Variants in LGALS8 observed in about 807,000 individuals in gnomAD.
The protein encoded by LGALS8 is galectin 8.
In LGALS8, 30 loss-of-function variants were observed where a neutral mutation model predicts 35.9. The ratio of observed to expected loss-of-function variants is 0.83; its 90% CI spans 0.62 to 1.13. The LOEUF (loss-of-function observed/expected upper bound fraction) is 1.13, where lower values mean the gene tolerates loss of function less well. LGALS8 is among the 50% of genes most tolerant of loss of function. LGALS8 has a pLI of 0.00. For synonymous variants in LGALS8, 138 were observed against 136.1 expected, an observed-to-expected ratio of 1.01 and a Z score of -0.10; for missense variants, 366 against 388.7, an observed-to-expected ratio of 0.94 and a Z score of 0.49.
chr1:236,542,687 C>A, intron 6 of LGALS8, 74 bp from the exon 7 acceptor site: 1 of 1,536,488 alleles, frequency 6.5e-7, no homozygotes, highest in Non-Finnish European at 9.0e-7. Context: ...CAGCTCAGCA[C>A]AACCAAGACT....
chr1:236,523,892 G>C, upstream of LGALS8: 1 of 346,454 alleles, frequency 2.9e-6, no homozygotes, highest in South Asian at 2.1e-5. Context: ...GCGGGGCGCG[G>C]GGAGGGTGGG....
At position 236,550,970 on chromosome 1, in the gene LGALS8, G is replaced by A. The variant is rs1662705193; in HGVS notation, c.*2809G>A. On this transcript the variant is annotated 3_prime_UTR_variant, in exon 10 of 10. Coordinates refer to ENST00000366584, the MANE Select transcript of LGALS8 (RefSeq NM_201544.4). Reference sequence around the variant, plus strand: ...TGCTGAATAGTCTTTTGGCACTGATGTTCTACTTCTTCACATTCATCTAAA... The same window carrying A: ...TGCTGAATAGTCTTTTGGCACTGATATTCTACTTCTTCACATTCATCTAAA... The A allele has an allele frequency of 7.5e-7, 1 of 1,341,502 alleles. No homozygotes were observed. The highest frequency in any genetic ancestry group is 1.1e-6 in the Non-Finnish European group (1 of 949,220). 83.1% of individuals were successfully genotyped at this position (1,341,502 alleles called of 1,614,324 possible). A position where few individuals can be genotyped will look rare whatever the true frequency, so the allele number is the denominator to read the frequency against.
intron 2 of LGALS8, among the ~76,000 whole-genome samples, chr1:236,536,872 A>C (rs1486451411): frequency 6.6e-6 from 1 of 151,104 alleles, no homozygotes. Context: ...TTTTTCTGTT[A>C]GAATTATCAT....
Position 236,542,860 on chromosome 1 carries a change from C to T in LGALS8, c.549+73C>T, listed in dbSNP as rs115775481. On this transcript the variant is annotated intron_variant, in intron 7 of 9. Coordinates refer to ENST00000366584, the MANE Select transcript of LGALS8 (RefSeq NM_201544.4). Reference sequence around the variant, plus strand: ...TGCATAGAAAATGAACAGTTTAAACCGTGGAGGGCAGCTTCATTCATTCCA... The same window carrying T: ...TGCATAGAAAATGAACAGTTTAAACTGTGGAGGGCAGCTTCATTCATTCCA... The T allele has an allele frequency of 5.5e-4, 883 of 1,614,026 alleles. 7 individuals are homozygous for T. In the African/African-American group the frequency reaches 0.01, roughly 19 times the overall value.
chr1:236,550,737 A>T lies in LGALS8; in HGVS notation c.*2576A>T. Reference sequence around the variant, plus strand: ...GATAGGCAGGAGAGGCTTATGTGGCAGCACAAGCCAGGTGGGGATTTTGTA... The same window carrying T: ...GATAGGCAGGAGAGGCTTATGTGGCTGCACAAGCCAGGTGGGGATTTTGTA... On this transcript the variant is annotated 3_prime_UTR_variant, in exon 10 of 10. Coordinates refer to ENST00000366584, the MANE Select transcript of LGALS8 (RefSeq NM_201544.4). The T allele has an allele frequency of 1.8e-6, 1 of 564,316 alleles. No homozygotes were observed. Among genetic ancestry groups the T allele is most frequent in the South Asian group, 2.5e-5 (1 of 39,844 alleles). The allele number at this position is 564,316 out of a possible 1,614,324, so 35.0% of individuals were successfully genotyped here.
At chr1:236,542,475 G>A (rs1223990122) in intron 6 of LGALS8, 1 of 477,626 alleles carries the variant, frequency 2.1e-6, no homozygotes, top group Non-Finnish European at 3.7e-6. Flanking sequence ...GTAAGACCCT[G>A]TCTCTTAAAA....
intron 6 of LGALS8, 68 bp downstream of exon 6, chr1:236,541,778 T>C: frequency 1.3e-6 from 1 of 785,530 alleles, no homozygotes; most frequent in Non-Finnish European, 2.0e-6. Context: ...GTTAATGAAA[T>C]GGCAAGAAGG....
chr1:236,550,562 C>T lies in LGALS8; in HGVS notation c.*2401C>T, dbSNP rs1231196932. Reference sequence around the variant, plus strand: ...TGCTGTACAGAAGAGTTAAGGCTTACAGTGCAAATGAGGCGTCAGCTTTGG... The same window carrying T: ...TGCTGTACAGAAGAGTTAAGGCTTATAGTGCAAATGAGGCGTCAGCTTTGG... On this transcript the variant is annotated 3_prime_UTR_variant, in exon 10 of 10. Coordinates refer to ENST00000366584, the MANE Select transcript of LGALS8 (RefSeq NM_201544.4). The T allele has an allele frequency of 1.4e-5, 3 of 221,028 alleles. No individual in the cohort carries two copies. The highest frequency in any genetic ancestry group is 2.3e-5 in the African/African-American group (1 of 43,738). 13.7% of individuals were successfully genotyped at this position (221,028 alleles called of 1,614,324 possible).
intron 2 of LGALS8, among the ~76,000 whole-genome samples, chr1:236,529,168 G>A (rs1661001702): frequency 6.6e-6 from 1 of 152,124 alleles, no homozygotes; most frequent in South Asian, 2.1e-4. Context: ...TCCCAGCTAT[G>A]AGGAAGAGTG....
chr1:236,524,347 G>T (rs1262886079), intron 1 of LGALS8: 13 of 455,784 alleles, frequency 2.9e-5, no homozygotes, highest in Non-Finnish European at 8.8e-6. Flanking sequence ...CAGGCTGTTT[G>T]CCCTGGGGTG....
At position 236,526,232 on chromosome 1, in the gene LGALS8, T is replaced by C; in HGVS notation, c.45+117T>C. 1.4e-6 allele frequency: 1 copy of C among 699,380 alleles called. No individual in the cohort carries two copies. Among genetic ancestry groups the C allele is most frequent in the South Asian group, 1.8e-5 (1 of 55,528 alleles). 43.3% of individuals were successfully genotyped at this position (699,380 alleles called of 1,614,324 possible). On this transcript the variant is annotated intron_variant, in intron 2 of 9. Coordinates refer to ENST00000366584, the MANE Select transcript of LGALS8 (RefSeq NM_201544.4). This position sits in a 1 kb window ranked among gnomAD's most constrained non-coding sequence, Gnocchi z 4.6. ...AGCCAGTGAACATATTTAAAGCACC[T>C]ACTATGTAATAGAGATGGTGGTGGG...
chr1:236,548,982 G>C lies in LGALS8; in HGVS notation c.*821G>C, dbSNP rs1352122745. 2.5e-6 allele frequency: 1 copy of C among 398,530 alleles called. No homozygotes were observed. Among genetic ancestry groups the C allele is most frequent in the East Asian group, 3.6e-5 (1 of 28,096 alleles). 24.7% of individuals were successfully genotyped at this position (398,530 alleles called of 1,614,324 possible). On this transcript the variant is annotated 3_prime_UTR_variant, in exon 10 of 10. Transcript: ENST00000366584. ...GAGTCTACACAGACGCCTACAGAAA[G>C]TTTCAGGAAGAGGCAAGATGCATTC...
chr1:236,540,376 CAAAAG>C (rs1195888471), intron 4 of LGALS8, 183 bp from the exon 5 acceptor site: 6 of 510,354 alleles, frequency 1.2e-5, no homozygotes, highest in Admixed American at 4.1e-5. Context: ...ATCAGGAACT[CAAAAG>C]AAGTTTGGAA....
chr1:236,535,603 G>T (rs1661439919), intron 2 of LGALS8, among the ~76,000 whole-genome samples: 1 of 152,166 alleles, frequency 6.6e-6, no homozygotes, highest in Non-Finnish European at 1.5e-5. Context: ...CTTGGAACCA[G>T]CTGTGACCCA....
rs1263849676 is a variant in LGALS8 at position 236,543,162 on chromosome 1, C to T, written c.549+375C>T. ...CCCCCTCTGCATTTGTGTGCCGTCC[C>T]TGGACGGATTCGAGAGTCAACCAGG... On this transcript the variant is annotated intron_variant, in intron 7 of 9. Transcript: ENST00000366584. The T allele has an allele frequency of 1.8e-5, 16 of 904,024 alleles. 1 individual carries two copies. The highest frequency in any genetic ancestry group is 1.1e-4 in the Admixed American group (5 of 47,470). 56.0% of individuals were successfully genotyped at this position (904,024 alleles called of 1,614,324 possible). A position where few individuals can be genotyped will look rare whatever the true frequency, so the allele number is the denominator to read the frequency against.
intron 2 of LGALS8, among the ~76,000 whole-genome samples, chr1:236,530,307 A>G (rs1386767013): frequency 6.6e-6 from 1 of 152,216 alleles, no homozygotes; most frequent in African/African-American, 2.4e-5. Flanking sequence ...AACACAACAC[A>G]GTCAAGTCTT....
At chr1:236,533,171 T>C (rs534210164) in intron 2 of LGALS8, among the ~76,000 whole-genome samples, 2 of 152,324 alleles carry the variant, frequency 1.3e-5, no homozygotes, top group South Asian at 2.1e-4. Flanking sequence ...TGAGAGAAGA[T>C]GGGTCTTGTC....
chr1:236,548,112 C>G lies in LGALS8; in HGVS notation c.905C>G (p.Thr302Arg). Residue 302 changes from threonine (T) to arginine (R), a missense_variant, in exon 10 of 10, where the codon ACG becomes AGG. Physicochemically the swap from Thr to Arg is moderately conservative, Grantham distance 71. Coordinates refer to ENST00000366584, the MANE Select transcript of LGALS8 (RefSeq NM_201544.4). Reference protein sequence around the residue: ...HRFKELSSIDTLEINGDIHLL... With the variant: ...HRFKELSSIDRLEINGDIHLL... ...TTTAAAGAGCTCAGCAGTATTGACA[C>G]GCTGGAAATTAATGGAGACATCCAC... 3.1e-6 allele frequency: 5 copies of G among 1,613,896 alleles called. No homozygotes were observed. The highest frequency in any genetic ancestry group is 3.3e-5 in the Admixed American group (2 of 60,020).
chr1:236,540,582 C>T lies in LGALS8; in HGVS notation c.364C>T (p.His122Tyr). The change falls in exon 5 of 10, where the codon CAT becomes TAT. Residue 122 changes from histidine to tyrosine, a missense_variant. Coordinates refer to ENST00000366584, the MANE Select transcript of LGALS8 (RefSeq NM_201544.4). ...DKFQVAVNGK[H>Y]TLLYGHRIGP... is the part of the protein sequence containing the mutation. Reference sequence around the variant, plus strand: ...TCTCTAGGTGGCTGTAAATGGAAAACATACTCTGCTCTATGGCCACAGGAT... The same window carrying T: ...TCTCTAGGTGGCTGTAAATGGAAAATATACTCTGCTCTATGGCCACAGGAT... 1 of 1,606,164 alleles carries T rather than the reference C, an allele frequency of 6.2e-7. No homozygotes were observed. Among genetic ancestry groups the T allele is most frequent in the Non-Finnish European group, 8.5e-7 (1 of 1,176,618 alleles).
Sources: allele counts gnomAD v4.1 joint callset (sites outside exome capture counted in the v4.1 genomes callset), GRCh38; gene constraint gnomAD v4.1.1; non-coding constraint Gnocchi (gnomAD v3.1); transcripts MANE v1.5; gene names NCBI Gene and HGNC (gene_info 2026-07-23, HGNC 2026-07-21).